KLHL36: variants seen among roughly 807,000 people sequenced by gnomAD.
The protein encoded by KLHL36 is kelch-like protein 36.
In KLHL36, 35 loss-of-function variants were observed where a neutral mutation model predicts 53.3. The ratio of observed to expected loss-of-function variants is 0.66; its 90% CI spans 0.50 to 0.87. KLHL36 has a LOEUF of 0.87. Among genes scored for constraint, KLHL36 ranks in the 40% least tolerant of loss-of-function variants. The pLI is 0.00. For missense variants in KLHL36, 864 were observed against 897.6 expected, an observed-to-expected ratio of 0.96 and a Z score of 0.48; for synonymous variants, 472 against 398.9, an observed-to-expected ratio of 1.18 and a Z score of -2.18.
chr16:84,659,377 C>G (rs1487441805), intron 3 of KLHL36: 3 of 195,174 alleles, frequency 1.5e-5, no homozygotes, highest in Non-Finnish European at 3.2e-5. Context: ...ACTAACTTTA[C>G]AAATCTGATG....
At chr16:84,658,489 C>T (rs1043148206) in intron 3 of KLHL36, 1 of 152,302 alleles carries the variant, frequency 6.6e-6, no homozygotes, top group Admixed American at 6.5e-5. Flanking sequence ...ACGCCTGGCC[C>T]TTGGGCATGT....
chr16:84,657,650 C>CGTCA lies in KLHL36; in HGVS notation c.844_847dup (p.Met283SerfsTer32). ...ACCACAACAACCTGGCGGCCCAGCC[C>CGTCA]GTCATGCAGACCAAGCGCACGGCGC... On this transcript the variant is annotated frameshift_variant, in exon 3 of 5. Coordinates refer to ENST00000564996, the MANE Select transcript of KLHL36 (RefSeq NM_024731.4). LOFTEE classifies it high-confidence loss of function. 8.7e-6 allele frequency: 14 copies of CGTCA among 1,612,174 alleles called. No individual in the cohort carries two copies. The highest frequency in any genetic ancestry group is 1.1e-5 in the Non-Finnish European group (13 of 1,179,606).
Position 84,659,828 on chromosome 16 carries a change from C to A in KLHL36, c.1206C>A (p.Ile402=). ...CCATCGAAGACATGCTGGTGGCCAT[C>A]GGCGGCCGGAATGAGAACGGAGCGC... The part of the protein sequence containing the change: ...LASIEDMLVA[I]GGRNENGALS... Residue 402 remains isoleucine, a synonymous_variant, in exon 4 of 5, where the codon ATC becomes ATA. Transcript: ENST00000564996. 1 of 1,614,122 alleles carries A rather than the reference C, an allele frequency of 6.2e-7. No homozygotes were observed. The highest frequency in any genetic ancestry group is 1.3e-5 in the African/African-American group (1 of 75,040).
At chr16:84,649,873 C>T (rs1253103733) in intron 1 of KLHL36, among the ~76,000 whole-genome samples, 4 of 152,174 alleles carry the variant, frequency 2.6e-5, no homozygotes, top group Non-Finnish European at 5.9e-5. Context: ...CTCTTTAAAA[C>T]CTTCGTCTCA....
At chr16:84,649,500 G>A (rs567315915) in intron 1 of KLHL36, among the ~76,000 whole-genome samples, 2 of 152,322 alleles carry the variant, frequency 1.3e-5, no homozygotes, top group Non-Finnish European at 2.9e-5. Flanking sequence ...ACCTCTCAGC[G>A]TGAAGGTGGA....
intron 3 of KLHL36, 41 bp downstream of exon 3, chr16:84,657,985 C>G (rs1407986502): frequency 7.1e-7 from 1 of 1,407,750 alleles, no homozygotes. Context: ...CTTGAGGACT[C>G]TCTCGGTTTC....
chr16:84,653,755 G>A (rs1356256793), intron 2 of KLHL36, among the ~76,000 whole-genome samples: 4 of 149,480 alleles, frequency 2.7e-5, no homozygotes, highest in South Asian at 4.2e-4. Context: ...CAGGAGAATC[G>A]CCTGAACCTG....
At chr16:84,654,156 C>G (rs565273853) in intron 2 of KLHL36, among the ~76,000 whole-genome samples, 1 of 152,194 alleles carries the variant, frequency 6.6e-6, no homozygotes, top group East Asian at 1.9e-4. Context: ...GGGCCAGCAC[C>G]CTCACCAGCG....
At chr16:84,651,209 C>G (rs1175437236) in intron 2 of KLHL36, among the ~76,000 whole-genome samples, 1 of 152,154 alleles carries the variant, frequency 6.6e-6, no homozygotes, top group Non-Finnish European at 1.5e-5. Context: ...CATTCGTTAA[C>G]CCAAGGAGGT....
Position 84,662,664 on chromosome 16 carries a change from A to T in KLHL36, c.*531A>T, listed in dbSNP as rs911472121. 3.3e-5 allele frequency: 5 copies of T among 152,660 alleles called. No homozygotes were observed. The highest frequency in any genetic ancestry group is 9.7e-5 in the African/African-American group (4 of 41,448). The allele number at this position is 152,660 out of a possible 1,614,324, so 9.5% of individuals were successfully genotyped here. On this transcript the variant is annotated 3_prime_UTR_variant, in exon 5 of 5. Transcript: ENST00000564996. ...TTCTGGGTATTAGTCACATCTGGGA[A>T]TCACTGGCAAGGTCCAGTGTGTTTG... is the stretch of plus-strand genomic sequence containing the variant.
intron 2 of KLHL36, among the ~76,000 whole-genome samples, chr16:84,654,484 CA>C (rs1283106552): frequency 6.6e-6 from 1 of 152,074 alleles, no homozygotes; most frequent in African/African-American, 2.4e-5. Flanking sequence ...CCCATTTCTA[CA>C]AAAAATAAAA....
At chr16:84,649,681 G>T (rs1906716196) in intron 1 of KLHL36, among the ~76,000 whole-genome samples, 1 of 152,218 alleles carries the variant, frequency 6.6e-6, no homozygotes, top group East Asian at 1.9e-4. Context: ...TAGGGGAGTT[G>T]CACGGGACGG....
intron 4 of KLHL36, 66 bp downstream of exon 4, chr16:84,659,983 G>T (rs776040629): frequency 2.1e-6 from 3 of 1,453,474 alleles, no homozygotes; most frequent in Non-Finnish European, 1.9e-6. Flanking sequence ...TTCAGTCCAC[G>T]TGCCTCACTT....
At chr16:84,658,920 C>A (rs1041530317) in intron 3 of KLHL36, 2 of 152,122 alleles carry the variant, frequency 1.3e-5, no homozygotes, top group African/African-American at 4.8e-5. Context: ...TTGGAGCCTC[C>A]TCCCGAAGCC....
chr16:84,660,637 T>C (rs1362903384), intron 4 of KLHL36, among the ~76,000 whole-genome samples: 1 of 152,154 alleles, frequency 6.6e-6, no homozygotes, highest in Non-Finnish European at 1.5e-5. Context: ...TTTTTGTTTT[T>C]CTGAGAGAGA....
chr16:84,649,622 CA>C (rs1387927024), intron 1 of KLHL36, among the ~76,000 whole-genome samples: 3 of 152,220 alleles, frequency 2.0e-5, no homozygotes, highest in Non-Finnish European at 4.4e-5. Flanking sequence ...TTGTCATTGT[CA>C]CAAAGTTTCT....
Position 84,664,943 on chromosome 16 carries a change from CTGAGCCTGGGAGGT to C in KLHL36, c.*2815_*2828del, listed in dbSNP as rs1164560464. 2.0e-5 allele frequency: 3 copies of C among 152,308 alleles called. No homozygotes were observed. Among genetic ancestry groups the C allele is most frequent in the African/African-American group, 7.2e-5 (3 of 41,546 alleles). The allele number at this position is 152,308 out of a possible 1,614,324, so 9.4% of individuals were successfully genotyped here. On this transcript the variant is annotated 3_prime_UTR_variant, in exon 5 of 5. Transcript: ENST00000564996. The stretch of plus-strand genomic sequence containing the variant: ...TAGGAGGCTGAGGTGGGAGAATCAC[CTGAGCCTGGGAGGT>C]TGAGGCTGCAGTGAGCTATGACCAC...
chr16:84,658,065 G>A lies in KLHL36; in HGVS notation c.1137+121G>A, dbSNP rs371404063. 228 of 783,110 alleles carry A rather than the reference G, an allele frequency of 2.9e-4. No individual in the cohort carries two copies. The African/African-American group carries it at 3.6e-3, about 12-fold the overall frequency. 48.5% of individuals were successfully genotyped at this position (783,110 alleles called of 1,614,324 possible). A position where few individuals can be genotyped will look rare whatever the true frequency, so the allele number is the denominator to read the frequency against. On this transcript the variant is annotated intron_variant, in intron 3 of 4. Coordinates refer to ENST00000564996, the MANE Select transcript of KLHL36 (RefSeq NM_024731.4). ...ACTATCCTGCTTCTGAATGAGGTGTGATGATAAAGTGACGAGCAGAATACC... is the reference window on the plus strand; with the variant it reads ...ACTATCCTGCTTCTGAATGAGGTGTAATGATAAAGTGACGAGCAGAATACC...
At chr16:84,656,146 C>G (rs1907185866) in intron 2 of KLHL36, among the ~76,000 whole-genome samples, 1 of 152,154 alleles carries the variant, frequency 6.6e-6, no homozygotes, top group African/African-American at 2.4e-5. Flanking sequence ...TCTCCCGTCT[C>G]AGTCTCACAA....
Sources: gnomAD v4.1 joint callset for allele counts (sites outside exome capture counted in the v4.1 genomes callset) on GRCh38, gnomAD v4.1.1 for gene constraint, MANE v1.5 for transcripts, NCBI Gene and HGNC (gene_info 2026-07-23, HGNC 2026-07-21) for gene names.